The following CDKL3 variants were observed in gnomAD, a reference collection of about 807,000 sequenced individuals.
CDKL3 encodes the protein cyclin-dependent kinase-like 3.
Under a neutral mutation model 69.3 loss-of-function variants are expected in CDKL3, and 65 were observed. The ratio of observed to expected loss-of-function variants is 0.94; its 90% CI spans 0.77 to 1.15. CDKL3 has a LOEUF of 1.15. Among genes scored for constraint, CDKL3 ranks in the 50% most tolerant of loss-of-function variants. The pLI, the probability that CDKL3 is intolerant of heterozygous loss-of-function variation, is 0.00. For synonymous variants in CDKL3, 202 were observed against 221.6 expected, an observed-to-expected ratio of 0.91 and a Z score of 0.79; for missense variants, 652 against 689.2, an observed-to-expected ratio of 0.95 and a Z score of 0.61.
intron 12 of CDKL3, chr5:134,299,483 T>A (rs1020672205): frequency 8.2e-7 from 1 of 1,219,058 alleles, no homozygotes; most frequent in African/African-American, 1.5e-5. Context: ...GTAGTTTTTA[T>A]AAATTCATGT....
chr5:134,331,390 T>C (rs1175908917), intron 4 of CDKL3, among the ~76,000 whole-genome samples: 7 of 152,166 alleles, frequency 4.6e-5, no homozygotes. Context: ...TGTGCCATGT[T>C]GGTTTGCTGT....
chr5:134,359,120 T>C (rs1269684304), intron 3 of CDKL3, among the ~76,000 whole-genome samples: 1 of 151,910 alleles, frequency 6.6e-6, no homozygotes, highest in Non-Finnish European at 1.5e-5. Context: ...ACCCCATCTC[T>C]ACAAAATATT....
upstream of CDKL3, among the ~76,000 whole-genome samples, chr5:134,368,819 C>T (rs1047387631): frequency 6.6e-5 from 10 of 151,972 alleles, no homozygotes; most frequent in African/African-American, 2.4e-4. Flanking sequence ...GGGCAGATCA[C>T]TTGAGCCCAG....
Position 134,302,687 on chromosome 5 carries a change from A to C in CDKL3, c.1622T>G (p.Val541Gly). ...CCTCTTCAGCATTTTTATCTGTTTAACTTTTGCAAAAATATACAAAACAAT... is the reference window on the plus strand; with the variant it reads ...CCTCTTCAGCATTTTTATCTGTTTACCTTTTGCAAAAATATACAAAACAAT... ...IQSKDTKGME[V>G]KQIKMLKRES... Residue 541 changes from valine (V) to glycine (G), a missense_variant and splice_region_variant, in exon 12 of 13, where the codon GTT (valine) becomes GGT (glycine). Val to Gly is a moderately radical substitution (Grantham distance 109). Transcript: ENST00000265334. The C allele has an allele frequency of 6.5e-7, 1 of 1,529,978 alleles. No individual in the cohort carries two copies. The highest frequency in any genetic ancestry group is 8.9e-7 in the Non-Finnish European group (1 of 1,122,496). The allele number at this position is 1,529,978 out of a possible 1,614,324, so 94.8% of individuals were successfully genotyped here.
At chr5:134,317,145 T>C (rs1397795650) in intron 6 of CDKL3, among the ~76,000 whole-genome samples, 6 of 152,172 alleles carry the variant, frequency 3.9e-5, no homozygotes, top group Admixed American at 3.9e-4. Flanking sequence ...TTTATTTTTA[T>C]TTATTTTTGA....
At chr5:134,343,340 T>C (rs1751003727) in intron 4 of CDKL3, among the ~76,000 whole-genome samples, 1 of 152,050 alleles carries the variant, frequency 6.6e-6, no homozygotes, top group African/African-American at 2.4e-5. Flanking sequence ...GTGAAGGAGA[T>C]CTAACTTAAT....
At chr5:134,319,188 G>A (rs372368398) in intron 6 of CDKL3, 170 bp downstream of exon 6, 19 of 457,680 alleles carry the variant, frequency 4.2e-5, no homozygotes, top group South Asian at 2.3e-4. Flanking sequence ...AAAATTAGCC[G>A]GGCATGGTGG....
chr5:134,365,063 A>G (rs1233624308), intron 2 of CDKL3, among the ~76,000 whole-genome samples: 1 of 151,328 alleles, frequency 6.6e-6, no homozygotes, highest in Admixed American at 6.6e-5. Flanking sequence ...GCTCACTGCA[A>G]GCTCCGCCTC....
At chr5:134,340,651 C>T (rs74799564) in intron 4 of CDKL3, among the ~76,000 whole-genome samples, 24 of 152,208 alleles carry the variant, frequency 1.6e-4, no homozygotes, top group Non-Finnish European at 3.5e-4. Context: ...ACTACTGAAA[C>T]TGGCTCAATA....
chr5:134,342,579 G>T (rs899863640), intron 4 of CDKL3, among the ~76,000 whole-genome samples: 2 of 149,290 alleles, frequency 1.3e-5, no homozygotes, highest in African/African-American at 4.9e-5. Context: ...CAGCCTGGGC[G>T]ACAGAGCAAG....
chr5:134,327,177 C>G (rs1774609477), intron 4 of CDKL3, among the ~76,000 whole-genome samples: 1 of 152,104 alleles, frequency 6.6e-6, no homozygotes. Flanking sequence ...GGGAGACACT[C>G]TTCCAACCAG....
chr5:134,371,152 C>T, upstream of CDKL3: 1 of 268,806 alleles, frequency 3.7e-6, no homozygotes, highest in Non-Finnish European at 7.3e-6. Context: ...ATCCCACCTC[C>T]TTTCCCTGAA....
chr5:134,343,430 C>T (rs1000849129), intron 4 of CDKL3, among the ~76,000 whole-genome samples: 5 of 152,166 alleles, frequency 3.3e-5, no homozygotes, highest in Non-Finnish European at 5.9e-5. Context: ...GGAGAAACTT[C>T]GTTTATAGTT....
Position 134,319,441 on chromosome 5 carries a change from C to T in CDKL3, c.709G>A (p.Val237Ile), listed in dbSNP as rs1772152449. Residue 237 changes from valine to isoleucine, a missense_variant, in exon 6 of 13, where the codon GTA becomes ATA. Physicochemically the swap from Val to Ile is conservative, Grantham distance 29. Coordinates refer to ENST00000265334, the MANE Select transcript of CDKL3 (RefSeq NM_001113575.2). ...GGGTGTTGAACTTGAGGAAGAACTACCCCAGCAAAAATGGGGCTCTTGGAA... is the reference window on the plus strand; with the variant it reads ...GGGTGTTGAACTTGAGGAAGAACTATCCCAGCAAAAATGGGGCTCTTGGAA... ...IFSKSPIFAG[V>I]VLPQVQHPKN... 2.0e-6 allele frequency: 3 copies of T among 1,538,434 alleles called. No homozygotes were observed. The highest frequency in any genetic ancestry group is 2.6e-6 in the Non-Finnish European group (3 of 1,143,302).
intron 4 of CDKL3, among the ~76,000 whole-genome samples, chr5:134,332,592 T>C (rs1277424006): frequency 6.6e-6 from 1 of 152,208 alleles, no homozygotes; most frequent in Non-Finnish European, 1.5e-5. Flanking sequence ...TTGTCAAAGA[T>C]CAGATGGTTG....
At chr5:134,296,177 G>A (rs770262037), downstream of CDKL3, among the ~76,000 whole-genome samples, 37 of 152,106 alleles carry the variant, frequency 2.4e-4, no homozygotes, top group African/African-American at 7.5e-4. Context: ...GATTACAGGC[G>A]TGAGCCACCA....
downstream of CDKL3, among the ~76,000 whole-genome samples, chr5:134,293,442 T>C (rs1162674387): frequency 6.6e-6 from 1 of 151,700 alleles, no homozygotes; most frequent in Non-Finnish European, 1.5e-5. Flanking sequence ...TAAGCAACAT[T>C]AACAAAGATA....
chr5:134,325,079 G>A (rs530246174), intron 4 of CDKL3, among the ~76,000 whole-genome samples: 1 of 152,338 alleles, frequency 6.6e-6, no homozygotes, highest in East Asian at 1.9e-4. Context: ...TTTGGAGGCT[G>A]AGGCAGGAGG....
chr5:134,355,214 C>T lies in CDKL3; in HGVS notation c.360+4683G>A, dbSNP rs1050091687. ...TGCCAATACACTCCAGCCTGAGCGA[C>T]GGAGCAAGACTCTGTCTCAGGAAAA... On this transcript the variant is annotated intron_variant, in intron 3 of 12. Coordinates refer to ENST00000265334, the MANE Select transcript of CDKL3 (RefSeq NM_001113575.2). Among the ~76,000 whole-genome samples the T allele has an allele frequency of 4.5e-5, 6 of 134,104 alleles. No individual in the cohort carries two copies. In the South Asian group the frequency reaches 6.9e-4, roughly 16 times the overall value. 88.0% of individuals were successfully genotyped at this position (134,104 alleles called of 152,430 possible). A position where few individuals can be genotyped will look rare whatever the true frequency, so the allele number is the denominator to read the frequency against.
Sources: allele counts gnomAD v4.1 joint callset (sites outside exome capture counted in the v4.1 genomes callset), GRCh38; gene constraint gnomAD v4.1.1; transcripts MANE v1.5; gene names NCBI Gene and HGNC (gene_info 2026-07-23, HGNC 2026-07-21).